Variants in ARHGAP26 observed in about 807,000 individuals in gnomAD.
ARHGAP26 encodes the protein rho GTPase-activating protein 26.
Under a neutral mutation model 104.8 loss-of-function variants are expected in ARHGAP26, and 38 were observed. The ratio of observed to expected loss-of-function variants is 0.36; its 90% CI spans 0.28 to 0.48. The LOEUF is 0.48. Among genes scored for constraint, ARHGAP26 ranks in the 20% least tolerant of loss-of-function variants. The probability of loss-of-function intolerance (pLI) is 0.99; values close to 1 mark genes in which losing one functional copy is unlikely to be tolerated. For missense variants in ARHGAP26, 704 were observed against 947.9 expected (o/e 0.74, Z 3.38); for synonymous variants, 341 against 340.0 (o/e 1.00, Z -0.03).
intron 17 of ARHGAP26, among the ~76,000 whole-genome samples, chr5:143,065,468 G>T (rs1272911694): frequency 1.3e-5 from 2 of 152,188 alleles, no homozygotes; most frequent in African/African-American, 4.8e-5. Flanking sequence ...AATCCATGGG[G>T]CATAAGAGCA....
chr5:142,810,451 A>ACATG (rs1763847155), intron 1 of ARHGAP26, among the ~76,000 whole-genome samples: 3 of 152,196 alleles, frequency 2.0e-5, no homozygotes, highest in Admixed American at 2.0e-4. Flanking sequence ...ATTTTAATGA[A>ACATG]CATGCCTTTT....
At chr5:143,131,554 C>T (rs779246008) in intron 18 of ARHGAP26, among the ~76,000 whole-genome samples, 64 of 152,212 alleles carry the variant, frequency 4.2e-4, no homozygotes, top group Non-Finnish European at 6.0e-4. Context: ...CAGAAAGGTA[C>T]TAGAAGACAC....
intron 17 of ARHGAP26, among the ~76,000 whole-genome samples, chr5:143,093,603 T>C (rs189999292): frequency 5.3e-4 from 80 of 152,114 alleles, no homozygotes; most frequent in African/African-American, 1.9e-3. Context: ...TCTCTGTCTT[T>C]GACTCCATCT....
chr5:142,794,807 T>C (rs1760637397), intron 1 of ARHGAP26, among the ~76,000 whole-genome samples: 1 of 152,182 alleles, frequency 6.6e-6, no homozygotes, highest in Admixed American at 6.5e-5. Context: ...CGGCCAATGA[T>C]TGACTGCCCT....
At chr5:143,129,416 C>T (rs6876462) in intron 18 of ARHGAP26, among the ~76,000 whole-genome samples, 33,535 of 152,082 alleles carry the variant, frequency 0.22, 5,257 homozygotes, top group African/African-American at 0.42. Context: ...CAGAGAGTTA[C>T]ATAATTTGCC....
chr5:143,216,313 A>G (rs935684900), intron 22 of ARHGAP26: 21 of 470,810 alleles, frequency 4.5e-5, no homozygotes, highest in Non-Finnish European at 7.5e-5. Context: ...TTGCTGCCAT[A>G]ACCCCCTCTT....
intron 20 of ARHGAP26, among the ~76,000 whole-genome samples, chr5:143,184,851 C>A (rs1384786346): frequency 3.3e-5 from 5 of 152,144 alleles, no homozygotes; most frequent in Non-Finnish European, 1.5e-5. Flanking sequence ...GGCCAAATTG[C>A]CCCACTGGGG....
chr5:142,864,486 T>G (rs890962071), intron 1 of ARHGAP26, among the ~76,000 whole-genome samples: 25 of 152,200 alleles, frequency 1.6e-4, no homozygotes, highest in Non-Finnish European at 3.4e-4. Flanking sequence ...AAATTGTAAA[T>G]TTGTAGAAGC....
chr5:142,944,344 T>C (rs1245725237), intron 11 of ARHGAP26, among the ~76,000 whole-genome samples: 2 of 152,244 alleles, frequency 1.3e-5, no homozygotes, highest in Non-Finnish European at 2.9e-5. Context: ...GGCTTGGAAA[T>C]CCTTGTATGA....
At chr5:143,081,045 T>C (rs1456948685) in intron 17 of ARHGAP26, among the ~76,000 whole-genome samples, 7 of 152,142 alleles carry the variant, frequency 4.6e-5, no homozygotes, top group African/African-American at 1.7e-4. Flanking sequence ...CCTGGGTTTT[T>C]GGCCTTCACT....
chr5:142,772,892 G>A (rs753828542), intron 1 of ARHGAP26: 1 of 533,436 alleles, frequency 1.9e-6, no homozygotes, highest in East Asian at 5.4e-5. Context: ...ACTAGTTTTT[G>A]GGGGCAAGAA....
chr5:143,204,301 A>G (rs940047486), intron 20 of ARHGAP26, among the ~76,000 whole-genome samples: 4 of 152,018 alleles, frequency 2.6e-5, no homozygotes, highest in South Asian at 4.1e-4. Context: ...GGTGGGTGGA[A>G]CACCTGAGGT....
chr5:142,863,514 G>T (rs1753738633), intron 1 of ARHGAP26, among the ~76,000 whole-genome samples: 1 of 152,150 alleles, frequency 6.6e-6, no homozygotes, highest in South Asian at 2.1e-4. Flanking sequence ...CTTTTTCTGG[G>T]TTCTTTTCTA....
chr5:143,137,268 G>A (rs754082039), intron 19 of ARHGAP26, among the ~76,000 whole-genome samples: 13 of 152,170 alleles, frequency 8.5e-5, no homozygotes, highest in Non-Finnish European at 1.3e-4. Context: ...CCACAAACTG[G>A]CTTTTAATTT....
chr5:143,076,159 ATTTTTTTT>A (rs368079758), intron 17 of ARHGAP26, among the ~76,000 whole-genome samples: 6 of 109,978 alleles, frequency 5.5e-5, no homozygotes, highest in East Asian at 2.6e-4. Context: ...GACCTGGCTA[ATTTTTTTT>A]TTTTTTTTTT....
In ARHGAP26 at chr5:142,890,149, AAAATATATATATATATATAT is replaced by A. The variant is rs1181082624; in HGVS notation, c.487-4087_487-4068del. On this transcript the variant is annotated intron_variant, in intron 5 of 22. Coordinates refer to ENST00000645722, the MANE Select transcript of ARHGAP26 (RefSeq NM_001135608.3). ...GAAACTCCGTCTTAAAAAAAAAAAA[AAAATATATATATATATATAT>A]ATATATATATATATATATATATATA... Among the ~76,000 whole-genome samples, 68 of 66,718 alleles carry A rather than the reference AAAATATATATATATATATAT, an allele frequency of 1.0e-3. 4 individuals are homozygous for A. The highest frequency in any genetic ancestry group is 4.1e-3 in the Admixed American group (26 of 6,390). The allele number at this position is 66,718 out of a possible 152,430, so 43.8% of individuals were successfully genotyped here.
rs368608740 is a variant in ARHGAP26 at position 143,059,098 on chromosome 5, C to T, written c.1538+1351C>T. Among the ~76,000 whole-genome samples the T allele has an allele frequency of 1.1e-4, 17 of 152,312 alleles. No individual in the cohort carries two copies. In the South Asian group the frequency reaches 2.1e-3, roughly 19 times the overall value. ...CAGTTCCACACAACCTAGAGTCAGG[C>T]GTTTGTTAAGCAGAGAAGCTGGTTT... On this transcript the variant is annotated intron_variant, in intron 17 of 22. Transcript: ENST00000645722.
rs3776300 is a variant in ARHGAP26, at chr5:143,127,045, T to C, written c.1698+5898T>C. 7.2e-4 allele frequency among the ~76,000 whole-genome samples: 110 copies of C among 152,350 alleles called. 3 individuals are homozygous for C. In the East Asian group the frequency reaches 0.015, roughly 21 times the overall value. On this transcript the variant is annotated intron_variant, in intron 18 of 22. Coordinates refer to ENST00000645722, the MANE Select transcript of ARHGAP26 (RefSeq NM_001135608.3). The stretch of plus-strand genomic sequence containing the variant: ...AAGATCTCAAAGCCCAGAAATTATA[T>C]TTATTACAAGGTTTTCCCTTTACTT...
At chr5:143,072,398 C>G (rs1788399977) in intron 17 of ARHGAP26, among the ~76,000 whole-genome samples, 1 of 152,082 alleles carries the variant, frequency 6.6e-6, no homozygotes, top group African/African-American at 2.4e-5. Flanking sequence ...AGTCCCACTA[C>G]TGGAAACTAT....
Sources: allele counts gnomAD v4.1 joint callset (sites outside exome capture counted in the v4.1 genomes callset), GRCh38; gene constraint gnomAD v4.1.1; transcripts MANE v1.5; gene names NCBI Gene and HGNC (gene_info 2026-07-23, HGNC 2026-07-21).